Variants in IFT25 observed in about 807,000 individuals in gnomAD.
IFT25 encodes intraflagellar transport 25.
At chr1:53,917,237 C>T in the IFT25 span, 1 of 152,066 alleles carries the variant, frequency 6.6e-6, no homozygotes, top group African/African-American at 2.4e-5. Flanking sequence ...CTACAATGAA[C>T]CTCCATATAT....
chr1:53,933,526 G>GA, the IFT25 span, among the ~76,000 whole-genome samples: 832 of 152,296 alleles, frequency 5.5e-3, 1 homozygote, highest in Middle Eastern at 0.014. Context: ...TGTCTGACAT[G>GA]AATATAACTA....
At chr1:53,924,234 A>C in the IFT25 span, among the ~76,000 whole-genome samples, 1 of 152,188 alleles carries the variant, frequency 6.6e-6, no homozygotes, top group African/African-American at 2.4e-5. Flanking sequence ...TAAAATGTGA[A>C]AATTTCTTTT....
the IFT25 span, among the ~76,000 whole-genome samples, chr1:53,927,747 T>C: frequency 6.6e-6 from 1 of 152,206 alleles, no homozygotes; most frequent in Admixed American, 6.5e-5. Flanking sequence ...TTGCTTCTTA[T>C]TGACATGCTC....
chr1:53,930,665 T>A, the IFT25 span, among the ~76,000 whole-genome samples: 1 of 152,158 alleles, frequency 6.6e-6, no homozygotes, highest in East Asian at 1.9e-4. Context: ...CTTTTGCACT[T>A]ATCTCATACT....
the IFT25 span, among the ~76,000 whole-genome samples, chr1:53,940,906 G>T: frequency 2.0e-5 from 3 of 151,906 alleles, no homozygotes; most frequent in South Asian, 6.2e-4. Context: ...GAGGCCAGGT[G>T]TGGTGGCTTA....
At chr1:53,935,142 C>T in the IFT25 span, among the ~76,000 whole-genome samples, 99 of 152,232 alleles carry the variant, frequency 6.5e-4, no homozygotes, top group African/African-American at 2.0e-3. Flanking sequence ...GGTGAAACTC[C>T]GTCTATACTA....
chr1:53,917,187 A>T, the IFT25 span: 16,493 of 152,140 alleles, frequency 0.11, 983 homozygotes, highest in African/African-American at 0.16. Context: ...TCAAAAAAAA[A>T]AAATAAATAA....
chr1:53,926,051 G>A, the IFT25 span, among the ~76,000 whole-genome samples: 4 of 142,364 alleles, frequency 2.8e-5, no homozygotes, highest in South Asian at 4.4e-4. Context: ...GCAGTGAGCC[G>A]AGATTGCGCC....
At chr1:53,945,212 A>G in the IFT25 span, among the ~76,000 whole-genome samples, 1 of 152,258 alleles carries the variant, frequency 6.6e-6, no homozygotes, top group Non-Finnish European at 1.5e-5. Flanking sequence ...GACCTTAGGT[A>G]CAATTTATAG....
chr1:53,919,420 G>C, the IFT25 span, among the ~76,000 whole-genome samples: 2 of 152,168 alleles, frequency 1.3e-5, no homozygotes, highest in Non-Finnish European at 2.9e-5. Flanking sequence ...GAGCAGAGAT[G>C]AACAGTCCTT....
At chr1:53,943,771 G>A in the IFT25 span, among the ~76,000 whole-genome samples, 3 of 151,874 alleles carry the variant, frequency 2.0e-5, no homozygotes, top group Non-Finnish European at 2.9e-5. Context: ...CTACAGGCAT[G>A]CACCACCACG....
At chr1:53,944,262 G>C in the IFT25 span, among the ~76,000 whole-genome samples, 1 of 152,172 alleles carries the variant, frequency 6.6e-6, no homozygotes, top group Non-Finnish European at 1.5e-5. Context: ...CTGACACTTT[G>C]GAAGGCCGAG....
At chr1:53,927,635 C>T in the IFT25 span, among the ~76,000 whole-genome samples, 1 of 152,208 alleles carries the variant, frequency 6.6e-6, no homozygotes. Flanking sequence ...AGATGTTCAA[C>T]TAATCATCCT....
the IFT25 span, among the ~76,000 whole-genome samples, chr1:53,923,146 A>G: frequency 6.6e-6 from 1 of 152,180 alleles, no homozygotes; most frequent in African/African-American, 2.4e-5. Context: ...GAGAGAAAGG[A>G]ACTAATGGGA....
At chr1:53,927,588 C>T in the IFT25 span, among the ~76,000 whole-genome samples, 11 of 152,214 alleles carry the variant, frequency 7.2e-5, 1 homozygote, top group Middle Eastern at 6.8e-3. Flanking sequence ...TTTTGTAGGA[C>T]GGAAGAAGGT....
At chr1:53,930,272 C>T in the IFT25 span, 2 of 886,852 alleles carry the variant, frequency 2.3e-6, no homozygotes, top group Non-Finnish European at 3.3e-6. Flanking sequence ...TCTGTTAATT[C>T]TGCCTCTAAT....
At chr1:53,931,820 T>A in the IFT25 span, among the ~76,000 whole-genome samples, 1 of 152,198 alleles carries the variant, frequency 6.6e-6, no homozygotes, top group Non-Finnish European at 1.5e-5. Context: ...TTATTTTTTC[T>A]AATAATTGTC....
At chr1:53,913,943 G>A in the IFT25 span, among the ~76,000 whole-genome samples, 18 of 152,202 alleles carry the variant, frequency 1.2e-4, no homozygotes, top group African/African-American at 4.3e-4. Context: ...AGCCTCCAGA[G>A]TGGTGAGAAA....
the IFT25 span, chr1:53,923,600 C>T: frequency 7.3e-6 from 2 of 272,268 alleles, no homozygotes; most frequent in Non-Finnish European, 1.4e-5. Flanking sequence ...TTCTAAAATG[C>T]CTACAGAATC....
Sources: gnomAD v4.1 joint callset for allele counts (sites outside exome capture counted in the v4.1 genomes callset) on GRCh38, gnomAD v4.1.1 for gene constraint, MANE v1.5 for transcripts, NCBI Gene and HGNC (gene_info 2026-07-23, HGNC 2026-07-21) for gene names.